Variants in STAT6 observed in about 807,000 individuals in gnomAD.
STAT6 encodes STAT, interleukin4-induced.
A neutral mutation model predicts 106.3 loss-of-function variants in STAT6; 45 were observed. The observed-to-expected ratio is 0.42, with a 90% CI of 0.33 to 0.54. The LOEUF is 0.54. STAT6 is among the 20% of genes least tolerant of loss of function. The pLI is 0.06. For missense variants in STAT6, 797 were observed against 1,062.2 expected, an observed-to-expected ratio of 0.75 and a Z score of 3.47; for synonymous variants, 413 against 413.6, an observed-to-expected ratio of 1.00 and a Z score of 0.02.
intron 13 of STAT6, chr12:57,100,747 A>AAAGG (rs1592554927): frequency 3.8e-6 from 1 of 265,658 alleles, no homozygotes; most frequent in African/African-American, 2.4e-5. Context: ...AGAAAGAAAG[A>AAAGG]AAAGAAAAAA....
At position 57,102,425 on chromosome 12, in the gene STAT6, G is replaced by A. The variant is rs768781314; in HGVS notation, c.1377C>T (p.Phe459=). ...EKMCETLNLK[F]MAEVGTNRGL... is the part of the protein sequence containing the mutation. Reference sequence around the variant, plus strand: ...CCCGGTTGGTCCCCACCTCAGCCATGAACTTCAGGTTCAGAGTTTCACACA... The same window carrying A: ...CCCGGTTGGTCCCCACCTCAGCCATAAACTTCAGGTTCAGAGTTTCACACA... Residue 459 remains phenylalanine, a synonymous_variant, in exon 13 of 22, where the codon TTC becomes TTT. Transcript: ENST00000300134. 2.5e-6 allele frequency: 4 copies of A among 1,614,042 alleles called. No individual in the cohort carries two copies. In the African/African-American group the frequency reaches 5.3e-5, roughly 22 times the overall value.
intron 1 of STAT6, among the ~76,000 whole-genome samples, chr12:57,110,878 C>CT (rs2034543266): frequency 6.6e-6 from 1 of 152,132 alleles, no homozygotes; most frequent in African/African-American, 2.4e-5. Flanking sequence ...TTCCATGGCC[C>CT]TGGGGGTGCA....
chr12:57,099,969 C>G lies in STAT6; in HGVS notation c.1607+27G>C. The G allele has an allele frequency of 1.2e-6, 2 of 1,614,066 alleles. No homozygotes were observed. The highest frequency in any genetic ancestry group is 1.7e-6 in the Non-Finnish European group (2 of 1,179,988). On this transcript the variant is annotated intron_variant, in intron 14 of 21. Coordinates refer to ENST00000300134, the MANE Select transcript of STAT6 (RefSeq NM_003153.5). This position sits in a 1 kb window ranked among gnomAD's most constrained non-coding sequence, Gnocchi z 4.7. ...TATGGAGGTGACTGGTGTATGGCTG[C>G]TCAGACTACCCAGGGTGGGGACTCA... is the stretch of plus-strand genomic sequence containing the variant.
At position 57,107,611 on chromosome 12, in the gene STAT6, G is replaced by C; in HGVS notation, c.249C>G (p.Thr83=). ...CCCTCCCCTCCTGCCCCACCTCAAGGGTGCTGATGTGTTGCAAGATGGTGC... is the reference window on the plus strand; with the variant it reads ...CCCTCCCCTCCTGCCCCACCTCAAGCGTGCTGATGTGTTGCAAGATGGTGC... The part of the protein sequence containing the change: ...EGSTILQHIS[T]LESIYQRDPL... The change falls in exon 3 of 22, where the codon ACC becomes ACG. Residue 83 remains threonine, a synonymous_variant. Coordinates refer to ENST00000300134, the MANE Select transcript of STAT6 (RefSeq NM_003153.5). 1 of 1,613,872 alleles carries C rather than the reference G, an allele frequency of 6.2e-7. No individual in the cohort carries two copies. The highest frequency in any genetic ancestry group is 8.5e-7 in the Non-Finnish European group (1 of 1,179,898).
At chr12:57,100,992 G>C (rs1316487687) in intron 13 of STAT6, 1 of 339,836 alleles carries the variant, frequency 2.9e-6, no homozygotes, top group East Asian at 1.1e-4. Context: ...CACAGCGCCT[G>C]GCATATAAGC....
intron 13 of STAT6, 42 bp downstream of exon 13, chr12:57,102,248 G>T: frequency 1.2e-6 from 2 of 1,603,928 alleles, no homozygotes; most frequent in Non-Finnish European, 1.7e-6. Flanking sequence ...CCCCAGGGAT[G>T]AAGAGCTTGG....
Position 57,105,516 on chromosome 12 carries a change from G to A in STAT6, c.764C>T (p.Ala255Val). 1.9e-6 allele frequency: 3 copies of A among 1,614,094 alleles called. No homozygotes were observed. The highest frequency in any genetic ancestry group is 2.5e-6 in the Non-Finnish European group (3 of 1,179,968). Residue 255 changes from alanine (A) to valine (V), a missense_variant, in exon 8 of 22, where the codon GCA becomes GTA. Coordinates refer to ENST00000300134, the MANE Select transcript of STAT6 (RefSeq NM_003153.5). ...TTCATCCAGCCGGCCAGTCAGCGAT[G>A]CCCGGGTCTTGGGCTCAAGCTCCCC... ...AGGELEPKTR[A>V]SLTGRLDEVL...
At chr12:57,100,774 T>G (rs2033876741) in intron 13 of STAT6, 1 of 313,724 alleles carries the variant, frequency 3.2e-6, no homozygotes, top group Non-Finnish European at 6.3e-6. Flanking sequence ...AAACATAAAA[T>G]AACATAATAT....
Position 57,098,597 on chromosome 12 carries a change from C to T in STAT6, c.2067G>A (p.Val689=), listed in dbSNP as rs748880577. 1 of 1,612,874 alleles carries T rather than the reference C, an allele frequency of 6.2e-7. No homozygotes were observed. Among genetic ancestry groups the T allele is most frequent in the Non-Finnish European group, 8.5e-7 (1 of 1,179,466 alleles). ...GAGAGTGTGGTGGGTACACCTGGGG[C>T]CTGGGGAAAGAAAACAGACCCCCTG... ...SMSMQLGPDM[V]PQVYPPHSHS... is the part of the protein sequence containing the mutation. The change falls in exon 19 of 22, where the codon GTG becomes GTA. Residue 689 remains valine, a splice_region_variant and synonymous_variant. Transcript: ENST00000300134.
At chr12:57,102,640 C>G (rs945559830) in intron 12 of STAT6, 144 bp from the exon 13 acceptor site, 2 of 1,029,130 alleles carry the variant, frequency 1.9e-6, no homozygotes, top group South Asian at 3.1e-5. Context: ...TTCTAGGTTA[C>G]AGTGCTGTGG....
chr12:57,104,724 A>C lies in STAT6; in HGVS notation c.1089+2T>G. 3 of 1,614,074 alleles carry C rather than the reference A, an allele frequency of 1.9e-6. No homozygotes were observed. Among genetic ancestry groups the C allele is most frequent in the Non-Finnish European group, 2.5e-6 (3 of 1,179,990 alleles). On this transcript the variant is annotated splice_donor_variant, in intron 10 of 21. Transcript: ENST00000300134. LOFTEE classifies it high-confidence loss of function. Reference sequence around the variant, plus strand: ...CCCTCACTGCACCCCAAAGCCCCTCACCAGGTTCTTGAACAGGGCAGAGCA... The same window carrying C: ...CCCTCACTGCACCCCAAAGCCCCTCCCCAGGTTCTTGAACAGGGCAGAGCA...
In STAT6 at chr12:57,099,622, A is replaced by C. The variant is rs2033685186; in HGVS notation, c.1744+145T>G. The stretch of plus-strand genomic sequence containing the variant: ...CAGAGCTCACAGTGAGAAGGTGAAC[A>C]TTTAGACCACAGAAGGAAGAAGAGA... On this transcript the variant is annotated intron_variant, in intron 15 of 21. Coordinates refer to ENST00000300134, the MANE Select transcript of STAT6 (RefSeq NM_003153.5). The surrounding 1 kb of genome is among the most constrained non-coding windows in gnomAD (Gnocchi z 4.7). 7.1e-7 allele frequency: 1 copy of C among 1,414,188 alleles called. No individual in the cohort carries two copies. The highest frequency in any genetic ancestry group is 1.3e-5 in the South Asian group (1 of 74,264). The allele number at this position is 1,414,188 out of a possible 1,614,324, so 87.6% of individuals were successfully genotyped here. A position where few individuals can be genotyped will look rare whatever the true frequency, so the allele number is the denominator to read the frequency against.
rs1259245795 is a variant in STAT6 at position 57,096,979 on chromosome 12, C to T, written c.2226-1G>A. 1.2e-6 allele frequency: 2 copies of T among 1,612,716 alleles called. No individual in the cohort carries two copies. The highest frequency in any genetic ancestry group is 1.7e-6 in the Non-Finnish European group (2 of 1,179,380). On this transcript the variant is annotated splice_acceptor_variant, in intron 20 of 21. Coordinates refer to ENST00000300134, the MANE Select transcript of STAT6 (RefSeq NM_003153.5). LOFTEE classifies it high-confidence loss of function. ...CTGAGGCTGGCACGGCAGCAGGCCCCTGCCAGGAACCAGCAATGGAAATAA... is the reference window on the plus strand; with the variant it reads ...CTGAGGCTGGCACGGCAGCAGGCCCTTGCCAGGAACCAGCAATGGAAATAA...
chr12:57,107,850 C>T (rs2034372499), intron 2 of STAT6, 107 bp from the exon 3 acceptor site: 2 of 1,470,496 alleles, frequency 1.4e-6, no homozygotes, highest in Non-Finnish European at 1.8e-6. Context: ...GCTCCTTATT[C>T]TCCATCTAGG....
intron 19 of STAT6, chr12:57,097,415 ATGT>A: frequency 3.3e-6 from 1 of 301,548 alleles, no homozygotes; most frequent in Non-Finnish European, 6.1e-6. Context: ...GGGAAGGGAG[ATGT>A]TGTGTCTTGA....
At chr12:57,104,958 T>C in intron 9 of STAT6, 145 bp from the exon 10 acceptor site, 1 of 1,215,966 alleles carries the variant, frequency 8.2e-7, no homozygotes, top group South Asian at 1.4e-5. Context: ...GTCCCCATCT[T>C]GGCCAAATCA....
intron 13 of STAT6, among the ~76,000 whole-genome samples, chr12:57,100,681 AAAG>A (rs1198759265): frequency 1.2e-4 from 8 of 67,112 alleles, no homozygotes; most frequent in African/African-American, 4.4e-4. Flanking sequence ...AGAAAGAAAG[AAAG>A]AAAGAAAGAA....
chr12:57,108,079 A>G (rs2034382700), intron 2 of STAT6, 84 bp downstream of exon 2: 2 of 900,110 alleles, frequency 2.2e-6, no homozygotes, highest in Admixed American at 2.1e-5. Context: ...TTCTGAATCC[A>G]TGGGTGAGGG....
chr12:57,102,623 C>T, intron 12 of STAT6, 127 bp from the exon 13 acceptor site: 1 of 1,096,644 alleles, frequency 9.1e-7, no homozygotes, highest in Non-Finnish European at 1.3e-6. Context: ...CACAAACATG[C>T]TGTTTTTTCT....
Sources: allele counts gnomAD v4.1 joint callset (sites outside exome capture counted in the v4.1 genomes callset), GRCh38; gene constraint gnomAD v4.1.1; non-coding constraint Gnocchi (gnomAD v3.1); transcripts MANE v1.5; gene names NCBI Gene and HGNC (gene_info 2026-07-23, HGNC 2026-07-21).